Variants in MRTFA observed in about 807,000 individuals in gnomAD.
MRTFA encodes myocardin related transcription factor A.
Under a neutral mutation model 83.5 loss-of-function variants are expected in MRTFA, and 20 were observed. That is an observed-to-expected ratio of 0.24 (90% CI 0.17 to 0.35). The LOEUF is 0.35. Among genes scored for constraint, MRTFA ranks in the 10% least tolerant of loss-of-function variants. The pLI, the probability that MRTFA is intolerant of heterozygous loss-of-function variation, is 1.00. For missense variants in MRTFA, 1,200 were observed against 1,224.7 expected (o/e 0.98, Z 0.30); for synonymous variants, 659 against 541.2 (o/e 1.22, Z -3.02).
chr22:40,594,250 T>TCA (rs2056160429), intron 2 of MRTFA, among the ~76,000 whole-genome samples: 2 of 152,214 alleles, frequency 1.3e-5, no homozygotes, highest in African/African-American at 4.8e-5. Flanking sequence ...AGTCTACCAT[T>TCA]CACACAGGCT....
chr22:40,590,034 A>C (rs1353296654), intron 2 of MRTFA, among the ~76,000 whole-genome samples: 1 of 152,088 alleles, frequency 6.6e-6, no homozygotes, highest in Non-Finnish European at 1.5e-5. Flanking sequence ...AAAAAAAAAA[A>C]AAAAACTTCA....
At chr22:40,498,188 TACAAAAATTTACCAA>T (rs1478399817) in intron 3 of MRTFA, among the ~76,000 whole-genome samples, 1 of 147,020 alleles carries the variant, frequency 6.8e-6, no homozygotes, top group Non-Finnish European at 1.5e-5. Flanking sequence ...AGCATGCACT[TACAAAAATTTACCAA>T]ACAAAATGTC....
intron 3 of MRTFA, among the ~76,000 whole-genome samples, chr22:40,497,497 G>C (rs1285469484): frequency 1.3e-5 from 2 of 152,216 alleles, no homozygotes; most frequent in Admixed American, 6.5e-5. Flanking sequence ...GCTCACGCCT[G>C]TAATCCCAGC....
chr22:40,524,808 T>C (rs2054935744), intron 3 of MRTFA, among the ~76,000 whole-genome samples: 1 of 152,236 alleles, frequency 6.6e-6, no homozygotes, highest in Admixed American at 6.5e-5. Context: ...TTTGTGCGTG[T>C]GCGTGTGTAT....
At chr22:40,453,306 A>T (rs947693888) in intron 4 of MRTFA, among the ~76,000 whole-genome samples, 2 of 152,202 alleles carry the variant, frequency 1.3e-5, no homozygotes, top group African/African-American at 4.8e-5. Flanking sequence ...CTCTTAAAGA[A>T]TGAAAAGATA....
chr22:40,614,230 TAAAAAATAAA>T (rs886658949), intron 1 of MRTFA, among the ~76,000 whole-genome samples: 1 of 148,936 alleles, frequency 6.7e-6, no homozygotes, highest in African/African-American at 2.5e-5. Flanking sequence ...AATAAATAAA[TAAAAAATAAA>T]AAAAAATAAA....
Position 40,411,662 on chromosome 22 carries a change from C to A in MRTFA, c.2824G>T (p.Asp942Tyr), listed in dbSNP as rs148866820. The change falls in exon 15 of 15, where the codon GAC (aspartate) becomes TAC (tyrosine). Residue 942 changes from aspartate to tyrosine, a missense_variant. Asp to Tyr is a radical substitution (Grantham distance 160). This residue lies in a region of MRTFA where 1,107 missense variants were observed against 1,041.8 expected (regional missense o/e 1.06). Coordinates refer to ENST00000355630, the MANE Select transcript of MRTFA (RefSeq NM_020831.6). Reference sequence around the variant, plus strand: ...CTGCTCAGCATCTGGCTATGGAGGTCGTCAATGAGGGAAAGGGGCTCTGGC... The same window carrying A: ...CTGCTCAGCATCTGGCTATGGAGGTAGTCAATGAGGGAAAGGGGCTCTGGC... 1 of 1,610,756 alleles carries A rather than the reference C, an allele frequency of 6.2e-7. No homozygotes were observed. Among genetic ancestry groups the A allele is most frequent in the Non-Finnish European group, 8.5e-7 (1 of 1,178,324 alleles).
intron 1 of MRTFA, among the ~76,000 whole-genome samples, chr22:40,609,500 A>C (rs2056360062): frequency 6.6e-6 from 1 of 151,596 alleles, no homozygotes; most frequent in Non-Finnish European, 1.5e-5. Flanking sequence ...AAAAAAAAAA[A>C]AAAACACTTT....
intron 2 of MRTFA, among the ~76,000 whole-genome samples, chr22:40,571,403 A>T (rs1397380780): frequency 6.6e-6 from 1 of 152,318 alleles, no homozygotes; most frequent in Non-Finnish European, 1.5e-5. Context: ...GAACCAAAGG[A>T]AAAAACTAGA....
Position 40,411,269 on chromosome 22 carries a change from AAGC to A in MRTFA, c.*118_*120del. 1 of 1,119,374 alleles carries A rather than the reference AAGC, an allele frequency of 8.9e-7. No homozygotes were observed. 69.3% of individuals were successfully genotyped at this position (1,119,374 alleles called of 1,614,324 possible). A position where few individuals can be genotyped will look rare whatever the true frequency, so the allele number is the denominator to read the frequency against. ...GTTCTAGCCTCCCAGGGAAGGGAAA[AAGC>A]AGGGGCTGTGATTGTCAAGACTCAC... On this transcript the variant is annotated 3_prime_UTR_variant, in exon 15 of 15. Transcript: ENST00000355630.
rs953164312 is a variant in MRTFA at position 40,545,409 on chromosome 22, T to C, written c.241+6697A>G. Among the ~76,000 whole-genome samples the C allele has an allele frequency of 4.6e-5, 7 of 152,094 alleles. No individual in the cohort carries two copies. The East Asian group carries it at 9.6e-4, about 21-fold the overall frequency. ...CCTTGACTGCCTACTGCCCCACAGGTACCTCTGCTAACCCACTGAATTCCT... is the reference window on the plus strand; with the variant it reads ...CCTTGACTGCCTACTGCCCCACAGGCACCTCTGCTAACCCACTGAATTCCT... On this transcript the variant is annotated intron_variant, in intron 3 of 14. Coordinates refer to ENST00000355630, the MANE Select transcript of MRTFA (RefSeq NM_020831.6).
At chr22:40,500,351 T>A (rs934669757) in intron 3 of MRTFA, among the ~76,000 whole-genome samples, 4 of 149,684 alleles carry the variant, frequency 2.7e-5, no homozygotes, top group African/African-American at 9.7e-5. Context: ...TTTTTTTATT[T>A]TTTTTTTAAC....
intron 13 of MRTFA, 120 bp from the exon 14 acceptor site, chr22:40,417,166 T>TGGGCGTGCCCGGACTCCTGGA: frequency 7.3e-7 from 1 of 1,377,600 alleles, no homozygotes. Flanking sequence ...ACAGGACCCA[T>TGGGCGTGCCCGGACTCCTGGA]GGGCGTGCCC....
Position 40,586,924 on chromosome 22 carries a change from G to GTGC in MRTFA, c.-22+7747_-22+7749dup, listed in dbSNP as rs971204262. 1.5e-3 allele frequency: 545 copies of GTGC among 369,970 alleles called. 2 individuals carry two copies. Among genetic ancestry groups the GTGC allele is most frequent in the African/African-American group, 0.011 (481 of 44,610 alleles). 22.9% of individuals were successfully genotyped at this position (369,970 alleles called of 1,614,324 possible). A position where few individuals can be genotyped will look rare whatever the true frequency, so the allele number is the denominator to read the frequency against. ...GCTGGTGCTGCTGGTGCTGGTGCTG[G>GTGC]TGCTGCTGCTGCTGCTGCCACCGCC... On this transcript the variant is annotated intron_variant, in intron 2 of 14. Transcript: ENST00000355630.
In MRTFA at chr22:40,449,260, C is replaced by G. The variant is rs912233706; in HGVS notation, c.308-13706G>C. Reference sequence around the variant, plus strand: ...CCAGCCTGGGTGACAGAACGAGACTCGGTCTCCAAACGAGAAAAAAAAAAA... The same window carrying G: ...CCAGCCTGGGTGACAGAACGAGACTGGGTCTCCAAACGAGAAAAAAAAAAA... On this transcript the variant is annotated intron_variant, in intron 4 of 14. Transcript: ENST00000355630. 5.7e-5 allele frequency among the ~76,000 whole-genome samples: 8 copies of G among 139,516 alleles called. 1 individual carries two copies. In the East Asian group the frequency reaches 1.7e-3, roughly 29 times the overall value. 91.5% of individuals were successfully genotyped at this position (139,516 alleles called of 152,430 possible).
intron 4 of MRTFA, among the ~76,000 whole-genome samples, chr22:40,460,215 G>T (rs115390625): frequency 6.6e-6 from 1 of 152,000 alleles, no homozygotes; most frequent in Admixed American, 6.6e-5. Context: ...GTGAGTCACC[G>T]CGCCTGGCCC....
At chr22:40,480,287 T>A (rs903560998) in intron 3 of MRTFA, among the ~76,000 whole-genome samples, 7 of 152,010 alleles carry the variant, frequency 4.6e-5, no homozygotes, top group Middle Eastern at 3.4e-3. Context: ...TTTTTTTTTT[T>A]ATGTTTTGTC....
chr22:40,509,239 G>A (rs2054629363), intron 3 of MRTFA, among the ~76,000 whole-genome samples: 1 of 152,110 alleles, frequency 6.6e-6, no homozygotes, highest in African/African-American at 2.4e-5. Flanking sequence ...AATATTTCCT[G>A]GTTCACACCT....
intron 4 of MRTFA, among the ~76,000 whole-genome samples, chr22:40,459,862 T>TATATACACAC (rs796103400): frequency 8.2e-6 from 1 of 121,486 alleles, no homozygotes; most frequent in Admixed American, 8.7e-5. Context: ...TATATATATA[T>TATATACACAC]ACACACATGA....
Sources: allele counts gnomAD v4.1 joint callset (sites outside exome capture counted in the v4.1 genomes callset), GRCh38; gene constraint gnomAD v4.1.1; regional missense constraint gnomAD v4.1.1; transcripts MANE v1.5; gene names NCBI Gene and HGNC (gene_info 2026-07-23, HGNC 2026-07-21).